NUP155: variants seen among roughly 807,000 people sequenced by gnomAD.
NUP155 encodes nuclear pore complex protein Nup155.
Under a neutral mutation model 180.4 loss-of-function variants are expected in NUP155, and 71 were observed. The ratio of observed to expected loss-of-function variants is 0.39; its 90% CI spans 0.33 to 0.48. The LOEUF is 0.48. Ranked by LOEUF, NUP155 falls within the 20% of genes least tolerant of loss-of-function variation. The pLI, the probability that NUP155 is intolerant of heterozygous loss-of-function variation, is 0.91. For synonymous variants in NUP155, 582 were observed against 559.5 expected, an observed-to-expected ratio of 1.04 and a Z score of -0.57; for missense variants, 1,553 against 1,648.9, an observed-to-expected ratio of 0.94 and a Z score of 1.01.
At chr5:37,359,153 A>G (rs1187345386) in intron 3 of NUP155, among the ~76,000 whole-genome samples, 2 of 149,488 alleles carry the variant, frequency 1.3e-5, no homozygotes, top group African/African-American at 4.9e-5. Context: ...ATATATATAT[A>G]TAACTTTTTC....
intron 21 of NUP155, 56 bp downstream of exon 21, chr5:37,317,932 G>A: frequency 1.1e-6 from 1 of 898,022 alleles, no homozygotes; most frequent in Non-Finnish European, 1.9e-6. Context: ...TTCTATTCAA[G>A]TAATAAAATT....
At chr5:37,349,382 A>C in intron 7 of NUP155, 137 bp from the exon 8 acceptor site, 1 of 346,566 alleles carries the variant, frequency 2.9e-6, no homozygotes, top group South Asian at 4.4e-5. Flanking sequence ...CTTTGTAGTT[A>C]AATCCTAGGA....
chr5:37,365,752 TACACACACACACACAC>T (rs372031424), intron 1 of NUP155, among the ~76,000 whole-genome samples: 2 of 37,898 alleles, frequency 5.3e-5, no homozygotes, highest in African/African-American at 1.1e-4. Flanking sequence ...TATATATATA[TACACACACACACACAC>T]ACACACACAC....
chr5:37,348,488 A>T lies in NUP155; in HGVS notation c.995+17T>A. 1 of 1,487,124 alleles carries T rather than the reference A, an allele frequency of 6.7e-7. No homozygotes were observed. Among genetic ancestry groups the T allele is most frequent in the Non-Finnish European group, 9.4e-7 (1 of 1,064,458 alleles). The allele number at this position is 1,487,124 out of a possible 1,614,324, so 92.1% of individuals were successfully genotyped here. A position where few individuals can be genotyped will look rare whatever the true frequency, so the allele number is the denominator to read the frequency against. ...TATGCCTGCAAATGAAATGCTTAAT[A>T]ATAAATTACATGTTACCTAGCAATG... On this transcript the variant is annotated intron_variant, in intron 9 of 34. Transcript: ENST00000231498.
rs183014790 is a variant in NUP155 at position 37,293,564 on chromosome 5, T to G, written c.3931-579A>C. On this transcript the variant is annotated intron_variant, in intron 33 of 34. Transcript: ENST00000231498. The stretch of plus-strand genomic sequence containing the variant: ...ACAATCTACTTTGACAAGTTTTTAT[T>G]TGGATCTTTTATCCTTAGCATAAAA... Among the ~76,000 whole-genome samples, 960 of 152,366 alleles carry G rather than the reference T, an allele frequency of 6.3e-3. 9 individuals carry two copies. The highest frequency in any genetic ancestry group is 0.022 in the African/African-American group (901 of 41,578).
intron 24 of NUP155, among the ~76,000 whole-genome samples, chr5:37,307,921 C>CA (rs201659298): frequency 0.16 from 14,293 of 90,914 alleles, 2,518 homozygotes; most frequent in African/African-American, 0.45. Flanking sequence ...GACTCTGTCT[C>CA]ACAAAAAAAA....
intron 1 of NUP155, among the ~76,000 whole-genome samples, chr5:37,369,883 A>G (rs559088040): frequency 1.3e-5 from 2 of 152,342 alleles, no homozygotes; most frequent in African/African-American, 4.8e-5. Context: ...ATGTAATTCC[A>G]TAAGCCGTGG....
At position 37,328,313 on chromosome 5, in the gene NUP155, T is replaced by C. The variant is rs746648899; in HGVS notation, c.1876+45A>G. ...AAGCATTAAGGTTAACTCATAATGT[T>C]AGCACTTCAAAATGAATCCAATCCA... On this transcript the variant is annotated intron_variant, in intron 17 of 34. Coordinates refer to ENST00000231498, the MANE Select transcript of NUP155 (RefSeq NM_153485.3). 1.7e-5 allele frequency: 23 copies of C among 1,321,596 alleles called. No individual in the cohort carries two copies. The East Asian group carries it at 4.6e-4, about 26-fold the overall frequency. 81.9% of individuals were successfully genotyped at this position (1,321,596 alleles called of 1,614,324 possible).
chr5:37,342,407 A>C, intron 10 of NUP155, 142 bp downstream of exon 10: 2 of 621,560 alleles, frequency 3.2e-6, no homozygotes, highest in Non-Finnish European at 5.7e-6. Context: ...CCCAGTTTTC[A>C]AAATCCTTTA....
chr5:37,330,208 T>C (rs1744868690), intron 14 of NUP155, 76 bp from the exon 15 acceptor site: 1 of 983,828 alleles, frequency 1.0e-6, no homozygotes, highest in Non-Finnish European at 1.6e-6. Context: ...AGATGCAGTA[T>C]TAAAGTCTGT....
At chr5:37,309,671 T>C in intron 23 of NUP155, 2 of 173,552 alleles carry the variant, frequency 1.2e-5, no homozygotes, top group Non-Finnish European at 2.5e-5. Context: ...GGAGATAAAT[T>C]ATCCCCTAAA....
chr5:37,344,966 T>C (rs2150980392), intron 9 of NUP155, among the ~76,000 whole-genome samples: 1 of 152,012 alleles, frequency 6.6e-6, no homozygotes, highest in African/African-American at 2.4e-5. Context: ...ACACGTCATT[T>C]GAGCCCAGGA....
chr5:37,353,619 G>A (rs1165192436), intron 4 of NUP155, among the ~76,000 whole-genome samples: 2 of 152,126 alleles, frequency 1.3e-5, no homozygotes, highest in Admixed American at 1.3e-4. Context: ...AAGGAAAAAT[G>A]TTCTGATGCA....
chr5:37,295,549 T>C (rs1742492710), intron 32 of NUP155, among the ~76,000 whole-genome samples: 1 of 143,558 alleles, frequency 7.0e-6, no homozygotes, highest in East Asian at 2.1e-4. Flanking sequence ...GGCTGCCCAG[T>C]CTGGAAAGTG....
At chr5:37,326,697 A>AAGAC (rs1217969217) in intron 18 of NUP155, among the ~76,000 whole-genome samples, 30 of 152,300 alleles carry the variant, frequency 2.0e-4, no homozygotes, top group African/African-American at 6.3e-4. Context: ...AACATGTGAG[A>AAGAC]GTCTAGCCAA....
In NUP155 at chr5:37,337,887, C is replaced by T. The variant is rs961976981; in HGVS notation, c.1278G>A (p.Glu426=). The T allele has an allele frequency of 1.9e-6, 3 of 1,609,970 alleles. No individual in the cohort carries two copies. Among genetic ancestry groups the T allele is most frequent in the Non-Finnish European group, 2.5e-6 (3 of 1,177,886 alleles). The change falls in exon 12 of 35, where the codon GAG becomes GAA. Residue 426 remains glutamate, a synonymous_variant. Coordinates refer to ENST00000231498, the MANE Select transcript of NUP155 (RefSeq NM_153485.3). ...TGACACACCATAAAATATCATTATCCTCATTTTCTGAGGCTGCCATCAATA... is the reference window on the plus strand; with the variant it reads ...TGACACACCATAAAATATCATTATCTTCATTTTCTGAGGCTGCCATCAATA... ...GILLMAASEN[E]DNDILWCVNH... is the part of the protein sequence containing the mutation.
chr5:37,348,401 T>C (rs1746242348), intron 9 of NUP155, 104 bp downstream of exon 9: 2 of 805,446 alleles, frequency 2.5e-6, no homozygotes, highest in Non-Finnish European at 4.4e-6. Context: ...CCTTGTCTTT[T>C]AGAGACATTT....
chr5:37,337,676 A>T, intron 12 of NUP155, 142 bp downstream of exon 12: 1 of 583,998 alleles, frequency 1.7e-6, no homozygotes, highest in Admixed American at 3.3e-5. Context: ...AATAATTGAC[A>T]GGATAATTTC....
rs1742725214 is a variant in NUP155 at position 37,298,959 on chromosome 5, T to C, written c.3702A>G (p.Thr1234=). The change falls in exon 32 of 35, where the codon ACA becomes ACG. Residue 1234 remains threonine, a synonymous_variant. Transcript: ENST00000231498. ...CATGCATTCTATCCGAGGAGCTCAA[T>C]GTCACACTGTCACTCAATTCTGTAA... ...IIEKELSDSV[T]LSSSDRMHAL... is the part of the protein sequence containing the mutation. 3 of 1,604,056 alleles carry C rather than the reference T, an allele frequency of 1.9e-6. No individual in the cohort carries two copies. The highest frequency in any genetic ancestry group is 2.6e-6 in the Non-Finnish European group (3 of 1,170,894).
Sources: allele counts gnomAD v4.1 joint callset (sites outside exome capture counted in the v4.1 genomes callset), GRCh38; gene constraint gnomAD v4.1.1; transcripts MANE v1.5; gene names NCBI Gene and HGNC (gene_info 2026-07-23, HGNC 2026-07-21).